The following TACC2 variants were observed in gnomAD, a reference collection of about 807,000 sequenced individuals.
The protein encoded by TACC2 is transforming acidic coiled-coil containing protein 2, also known as transforming acidic coiled-coil-containing protein 2.
In TACC2, 137 loss-of-function variants were observed where a neutral mutation model predicts 227.3. The observed-to-expected ratio is 0.60, with a 90% CI of 0.52 to 0.69. The LOEUF is 0.69. Ranked by LOEUF, TACC2 falls within the 30% of genes least tolerant of loss-of-function variation. The pLI is 0.00. For synonymous variants in TACC2, 1,523 were observed against 1,487.5 expected (o/e 1.02, Z -0.55); for missense variants, 3,470 against 3,694.4 (o/e 0.94, Z 1.57).
intron 3 of TACC2, among the ~76,000 whole-genome samples, chr10:122,057,240 A>C (rs2076296964): frequency 6.6e-6 from 1 of 152,156 alleles, no homozygotes; most frequent in Non-Finnish European, 1.5e-5. Context: ...TATGCATGCC[A>C]GGAAAGTGTT....
chr10:122,100,228 C>T (rs567628533), intron 5 of TACC2, among the ~76,000 whole-genome samples: 116 of 150,886 alleles, frequency 7.7e-4, no homozygotes, highest in Non-Finnish European at 1.4e-3. Context: ...CGTGCCATTG[C>T]ACTCCAGCCT....
chr10:122,123,018 CAT>C (rs1427337180), intron 5 of TACC2, among the ~76,000 whole-genome samples: 1 of 151,934 alleles, frequency 6.6e-6, no homozygotes, highest in Non-Finnish European at 1.5e-5. Flanking sequence ...TTTTGGAGAT[CAT>C]TTTTTTGAGA....
intron 5 of TACC2, among the ~76,000 whole-genome samples, chr10:122,095,100 A>G (rs2081238962): frequency 6.6e-6 from 1 of 152,210 alleles, no homozygotes; most frequent in African/African-American, 2.4e-5. Flanking sequence ...CTAGCTGCAG[A>G]GACAGACCTG....
In TACC2 at chr10:122,176,117, C is replaced by CTATATA. The variant is rs35172894; in HGVS notation, c.5835-18899_5835-18894dup. Among the ~76,000 whole-genome samples, 363 of 54,594 alleles carry CTATATA rather than the reference C, an allele frequency of 6.6e-3. 4 individuals are homozygous for CTATATA. Among genetic ancestry groups the CTATATA allele is most frequent in the Non-Finnish European group, 8.6e-3 (248 of 28,750 alleles). 35.8% of individuals were successfully genotyped at this position (54,594 alleles called of 152,430 possible). On this transcript the variant is annotated intron_variant, in intron 7 of 22. Coordinates refer to ENST00000369005, the MANE Select transcript of TACC2 (RefSeq NM_206862.4). ...TCTCTCTCTCTCTCTCTCTCTCTCT[C>CTATATA]TATATATATATATATATATATATAT...
At chr10:122,249,790 T>C (rs906843123) in intron 22 of TACC2, 126 bp downstream of exon 22, 3 of 1,169,454 alleles carry the variant, frequency 2.6e-6, no homozygotes, top group Non-Finnish European at 3.5e-6. Context: ...TCATGCTTCA[T>C]GAGCATACCC....
intron 3 of TACC2, among the ~76,000 whole-genome samples, chr10:122,056,231 A>G (rs2076197275): frequency 6.6e-6 from 1 of 152,006 alleles, no homozygotes; most frequent in Non-Finnish European, 1.5e-5. Flanking sequence ...CTGGAGTGTA[A>G]TGGTGCGATC....
rs1208252788 is a variant in TACC2, at chr10:122,087,920, AGC to A, written c.5421_5422del (p.Lys1807AsnfsTer12). Reference sequence around the variant, plus strand: ...GAGCCTGACGAAACTCACGACCCGAAGCTGCAACATTTGGCTCCAGAAGAGCT... The same window carrying A: ...GAGCCTGACGAAACTCACGACCCGAATGCAACATTTGGCTCCAGAAGAGCT... On this transcript the variant is annotated frameshift_variant, in exon 4 of 23. Coordinates refer to ENST00000369005, the MANE Select transcript of TACC2 (RefSeq NM_206862.4). LOFTEE classifies it high-confidence loss of function. The A allele has an allele frequency of 1.3e-6, 2 of 1,511,338 alleles. No homozygotes were observed. Among genetic ancestry groups the A allele is most frequent in the Admixed American group, 2.3e-5 (1 of 43,704 alleles). The allele number at this position is 1,511,338 out of a possible 1,614,324, so 93.6% of individuals were successfully genotyped here.
chr10:122,198,655 G>A (rs999212230), intron 8 of TACC2, among the ~76,000 whole-genome samples: 2 of 152,152 alleles, frequency 1.3e-5, no homozygotes, highest in African/African-American at 4.8e-5. Flanking sequence ...AACCTCATAC[G>A]CCATCTCACA....
intron 5 of TACC2, among the ~76,000 whole-genome samples, chr10:122,121,575 C>T (rs944707319): frequency 1.3e-5 from 2 of 152,174 alleles, no homozygotes; most frequent in African/African-American, 4.8e-5. Flanking sequence ...ACAGGAGTAT[C>T]TAAAAAATGT....
intron 1 of TACC2, among the ~76,000 whole-genome samples, chr10:121,991,322 T>C (rs181433499): frequency 2.2e-4 from 34 of 152,344 alleles, no homozygotes; most frequent in Admixed American, 1.5e-3. Context: ...AGCTTTTAAA[T>C]AATCAGGAGC....
intron 2 of TACC2, among the ~76,000 whole-genome samples, chr10:122,046,033 G>A (rs532183832): frequency 2.6e-5 from 4 of 152,026 alleles, no homozygotes; most frequent in Non-Finnish European, 5.9e-5. Context: ...AAATTAGCTG[G>A]GTGTGGTGGT....
chr10:122,143,778 T>G, intron 7 of TACC2, 72 bp downstream of exon 7: 1 of 1,520,854 alleles, frequency 6.6e-7, no homozygotes, highest in Non-Finnish European at 8.9e-7. Context: ...GCCCCCTAGG[T>G]CTTGGGGTGA....
At chr10:122,063,087 G>A (rs999641529) in intron 3 of TACC2, among the ~76,000 whole-genome samples, 1 of 152,048 alleles carries the variant, frequency 6.6e-6, no homozygotes, top group African/African-American at 2.4e-5. Flanking sequence ...AAGTGTTTGT[G>A]TTCTGGTCTC....
At chr10:122,006,292 C>CA (rs1256849435) in intron 1 of TACC2, among the ~76,000 whole-genome samples, 7 of 151,336 alleles carry the variant, frequency 4.6e-5, no homozygotes, top group Middle Eastern at 3.2e-3. Context: ...ACTAAAAATA[C>CA]AAAAAAATTG....
intron 3 of TACC2, among the ~76,000 whole-genome samples, chr10:122,060,070 G>A (rs912540168): frequency 2.6e-5 from 4 of 152,188 alleles, no homozygotes; most frequent in Non-Finnish European, 5.9e-5. Context: ...GGAAGACCTA[G>A]GGGACCAGGC....
intron 19 of TACC2, among the ~76,000 whole-genome samples, chr10:122,243,604 A>AT (rs1016746765): frequency 1.6e-4 from 25 of 152,272 alleles, no homozygotes; most frequent in African/African-American, 6.0e-4. Context: ...TTATGAACAC[A>AT]TATGGATAAG....
At position 122,021,782 on chromosome 10, in the gene TACC2, G is replaced by A. The variant is rs574529834; in HGVS notation, c.-45-155G>A. On this transcript the variant is annotated intron_variant, in intron 1 of 22. Coordinates refer to ENST00000369005, the MANE Select transcript of TACC2 (RefSeq NM_206862.4). ...GAAAGAAACCTGGGTGGCAGATCAC[G>A]AAAGAAAACCCTTCAAAAGTAATTT... is the stretch of plus-strand genomic sequence containing the variant. Among the ~76,000 whole-genome samples the A allele has an allele frequency of 1.5e-3, 229 of 152,284 alleles. 1 individual carries two copies. The highest frequency in any genetic ancestry group is 4.7e-3 in the African/African-American group (197 of 41,560).
In TACC2 at chr10:122,141,829, AG is replaced by A. The variant is rs752760402; in HGVS notation, c.5700-1737del. 1.2e-4 allele frequency among the ~76,000 whole-genome samples: 18 copies of A among 152,086 alleles called. No individual in the cohort carries two copies. The highest frequency in any genetic ancestry group is 2.4e-4 in the African/African-American group (10 of 41,398). On this transcript the variant is annotated intron_variant, in intron 6 of 22. Transcript: ENST00000369005. This position sits in a 1 kb window ranked among gnomAD's most constrained non-coding sequence, Gnocchi z 4.3. ...AATCTTGGTGGGATGTGTGTGGTGGAGGGGGGAGCACAGCAGTGTAATTTCT... is the reference window on the plus strand; with the variant it reads ...AATCTTGGTGGGATGTGTGTGGTGGAGGGGGAGCACAGCAGTGTAATTTCT...
Position 122,100,918 on chromosome 10 carries a change from C to T in TACC2, c.5573+12327C>T, listed in dbSNP as rs548707280. 2.0e-5 allele frequency among the ~76,000 whole-genome samples: 3 copies of T among 152,242 alleles called. No homozygotes were observed. The East Asian group carries it at 5.8e-4, about 29-fold the overall frequency. On this transcript the variant is annotated intron_variant, in intron 5 of 22. Coordinates refer to ENST00000369005, the MANE Select transcript of TACC2 (RefSeq NM_206862.4). ...GCCTTGCCCCTCCCTCTACTTGTAG[C>T]CTGTGATGGGACCACATTCTGGTTC...
Sources: gnomAD v4.1 joint callset for allele counts (sites outside exome capture counted in the v4.1 genomes callset) on GRCh38, gnomAD v4.1.1 for gene constraint, Gnocchi (gnomAD v3.1) non-coding constraint, MANE v1.5 for transcripts, NCBI Gene and HGNC (gene_info 2026-07-23, HGNC 2026-07-21) for gene names.